The following HTRA1 variants were observed in gnomAD, a reference collection of about 807,000 sequenced individuals.
HTRA1 encodes the protein HtrA serine peptidase 1, also known as serine protease HTRA1.
In HTRA1, 26 loss-of-function variants were observed where a neutral mutation model predicts 49.7. That is an observed-to-expected ratio of 0.52 (90% CI 0.38 to 0.73). The LOEUF (loss-of-function observed/expected upper bound fraction) is 0.73. Ranked by LOEUF, HTRA1 falls within the 30% of genes least tolerant of loss-of-function variation. HTRA1 has a pLI of 0.00. For missense variants in HTRA1, 561 were observed against 667.2 expected, an observed-to-expected ratio of 0.84 and a Z score of 1.75; for synonymous variants, 291 against 286.9, an observed-to-expected ratio of 1.01 and a Z score of -0.14.
In HTRA1 at chr10:122,462,004, G is replaced by A; in HGVS notation, c.352G>A (p.Val118Met). The change falls in exon 1 of 9, where the codon GTG becomes ATG. Residue 118 changes from valine (V) to methionine (M), a missense_variant. Val to Met is a conservative substitution (Grantham distance 21). Transcript: ENST00000368984. Reference sequence around the variant, plus strand: ...CTGTGTGTGCGCCAGCAGCGAGCCGGTGTGCGGCAGCGACGCCAACACCTA... The same window carrying A: ...CTGTGTGTGCGCCAGCAGCGAGCCGATGTGCGGCAGCGACGCCAACACCTA... ...GLCVCASSEP[V>M]CGSDANTYAN... 1 of 1,528,558 alleles carries A rather than the reference G, an allele frequency of 6.5e-7. No homozygotes were observed. Among genetic ancestry groups the A allele is most frequent in the East Asian group, 2.5e-5 (1 of 40,424 alleles). The allele number at this position is 1,528,558 out of a possible 1,614,324, so 94.7% of individuals were successfully genotyped here. A position where few individuals can be genotyped will look rare whatever the true frequency, so the allele number is the denominator to read the frequency against.
At chr10:122,492,678 A>G (rs1025676815) in intron 3 of HTRA1, among the ~76,000 whole-genome samples, 1 of 152,196 alleles carries the variant, frequency 6.6e-6, no homozygotes, top group Admixed American at 6.5e-5. Flanking sequence ...AAGAATTGCC[A>G]CGGACATCTG....
rs1271725941 is a variant in HTRA1, at chr10:122,514,247, C to T, written c.1331C>T (p.Ser444Phe). 2 of 1,614,020 alleles carry T rather than the reference C, an allele frequency of 1.2e-6. No individual in the cohort carries two copies. Residue 444 changes from serine to phenylalanine, a missense_variant, in exon 9 of 9, where the codon TCC becomes TTC. By Grantham distance (155) the Ser-to-Phe change is radical (BLOSUM62 -2). Coordinates refer to ENST00000368984, the MANE Select transcript of HTRA1 (RefSeq NM_002775.5). ...AGCATCAATGGACAGTCCGTGGTCT[C>T]CGCCAATGATGTCAGCGACGTCATT... ...IISINGQSVV[S>F]ANDVSDVIKR...
At chr10:122,488,365 C>T (rs11200653) in intron 1 of HTRA1, among the ~76,000 whole-genome samples, 4 of 151,960 alleles carry the variant, frequency 2.6e-5, no homozygotes, top group African/African-American at 9.7e-5. Flanking sequence ...GTCAGGAGTT[C>T]GAGACCAGCC....
intron 3 of HTRA1, among the ~76,000 whole-genome samples, chr10:122,495,026 C>T (rs1166906361): frequency 6.6e-6 from 1 of 151,966 alleles, no homozygotes; most frequent in Non-Finnish European, 1.5e-5. Flanking sequence ...TGCCATGACT[C>T]ACGCCGGTTC....
At chr10:122,489,708 C>G in intron 3 of HTRA1, 82 bp downstream of exon 3, 1 of 1,319,958 alleles carries the variant, frequency 7.6e-7, no homozygotes, top group Non-Finnish European at 1.1e-6. Context: ...TCTCTGATTG[C>G]AGCTGATTCT....
intron 1 of HTRA1, among the ~76,000 whole-genome samples, chr10:122,470,862 G>A (rs756961183): frequency 1.3e-5 from 2 of 152,122 alleles, no homozygotes; most frequent in Non-Finnish European, 2.9e-5. Flanking sequence ...GGGTGTCAAA[G>A]CATGGGTCTC....
In HTRA1 at chr10:122,514,698, G is replaced by A. The variant is rs765625089; in HGVS notation, c.*339G>A. ...CCAACTAATGCAGTCGATACAATGC[G>A]TAGATAGAAGAAGCCCCACGGGAGC... On this transcript the variant is annotated 3_prime_UTR_variant, in exon 9 of 9. Transcript: ENST00000368984. The A allele has an allele frequency of 2.3e-5, 8 of 346,784 alleles. No individual in the cohort carries two copies. The highest frequency in any genetic ancestry group is 8.1e-5 in the Admixed American group (2 of 24,610). 21.5% of individuals were successfully genotyped at this position (346,784 alleles called of 1,614,324 possible).
chr10:122,490,972 T>A lies in HTRA1; in HGVS notation c.777+1346T>A, dbSNP rs560652706. ...TGGCCAGGCATGGCCGAAGAGGCTC[T>A]GGGTAGATATAGGCTCTGTGCCCGG... On this transcript the variant is annotated intron_variant, in intron 3 of 8. Transcript: ENST00000368984. The surrounding 1 kb of genome is among the most constrained non-coding windows in gnomAD (Gnocchi z 4.2). Among the ~76,000 whole-genome samples, 20 of 152,312 alleles carry A rather than the reference T, an allele frequency of 1.3e-4. No homozygotes were observed. Among genetic ancestry groups the A allele is most frequent in the Middle Eastern group, 6.8e-3 (2 of 294 alleles).
rs1422866036 is a variant in HTRA1 at position 122,489,552 on chromosome 10, G to A, written c.703G>A (p.Gly235Ser). 8 of 1,614,030 alleles carry A rather than the reference G, an allele frequency of 5.0e-6. No homozygotes were observed. The highest frequency in any genetic ancestry group is 3.3e-5 in the Admixed American group (2 of 59,992). ...CCGGGTCAAAGTTGAGCTGAAGAAC[G>A]GTGCCACTTACGAAGCCAAAATCAA... ...KHRVKVELKNGATYEAKIKDV... is the reference protein window; with the variant it reads ...KHRVKVELKNSATYEAKIKDV... Residue 235 changes from glycine (G) to serine (S), a missense_variant, in exon 3 of 9, where the codon GGT becomes AGT. Transcript: ENST00000368984.
chr10:122,470,465 G>A (rs1329174578), intron 1 of HTRA1, among the ~76,000 whole-genome samples: 1 of 151,952 alleles, frequency 6.6e-6, no homozygotes, highest in Non-Finnish European at 1.5e-5. Flanking sequence ...AAGGAGTTTT[G>A]TCAATTCCTA....
At chr10:122,473,741 TCTC>T (rs995371469) in intron 1 of HTRA1, among the ~76,000 whole-genome samples, 3 of 152,152 alleles carry the variant, frequency 2.0e-5, no homozygotes, top group Non-Finnish European at 4.4e-5. Context: ...ACCCCATACT[TCTC>T]CTCTGCCCAG....
chr10:122,474,920 A>G (rs2097487755), intron 1 of HTRA1, among the ~76,000 whole-genome samples: 1 of 152,124 alleles, frequency 6.6e-6, no homozygotes, highest in Non-Finnish European at 1.5e-5. Context: ...CTGAAAAGTG[A>G]TTTTCAATGA....
At chr10:122,502,232 A>G (rs2133446193) in intron 3 of HTRA1, among the ~76,000 whole-genome samples, 1 of 152,204 alleles carries the variant, frequency 6.6e-6, no homozygotes, top group African/African-American at 2.4e-5. Context: ...AGCTCATAGG[A>G]GACACTCACT....
intron 1 of HTRA1, among the ~76,000 whole-genome samples, chr10:122,467,866 G>A (rs2097484397): frequency 6.6e-6 from 1 of 152,142 alleles, no homozygotes; most frequent in African/African-American, 2.4e-5. Flanking sequence ...TCCTGGAAGT[G>A]GCATGGAAGT....
At chr10:122,470,087 C>G (rs539347897) in intron 1 of HTRA1, among the ~76,000 whole-genome samples, 4 of 152,210 alleles carry the variant, frequency 2.6e-5, no homozygotes, top group African/African-American at 9.6e-5. Context: ...TCACTTAGGT[C>G]TAGTGGATTG....
intron 3 of HTRA1, among the ~76,000 whole-genome samples, chr10:122,504,338 T>TG (rs1464746150): frequency 6.6e-6 from 1 of 152,214 alleles, no homozygotes; most frequent in African/African-American, 2.4e-5. Context: ...AGCCTGGGCC[T>TG]GCCTCCCTTT....
Position 122,487,041 on chromosome 10 carries a change from A to G in HTRA1, c.473-1861A>G, listed in dbSNP as rs1278808000. Among the ~76,000 whole-genome samples the G allele has an allele frequency of 6.6e-6, 1 of 152,184 alleles. No individual in the cohort carries two copies. The highest frequency in any genetic ancestry group is 1.5e-5 in the Non-Finnish European group (1 of 68,032). ...ACAGGCCTGTTGGTAAATGAGACAC[A>G]AAATACCTACAAAATACAAAATGTG... is the stretch of plus-strand genomic sequence containing the variant. On this transcript the variant is annotated intron_variant, in intron 1 of 8. Transcript: ENST00000368984. This position sits in a 1 kb window ranked among gnomAD's most constrained non-coding sequence, Gnocchi z 4.8.
chr10:122,504,440 G>A (rs1172653540), intron 3 of HTRA1, among the ~76,000 whole-genome samples: 6 of 152,184 alleles, frequency 3.9e-5, no homozygotes, highest in Non-Finnish European at 5.9e-5. Flanking sequence ...CTTTCTGATG[G>A]GTTTTCAATG....
intron 1 of HTRA1, among the ~76,000 whole-genome samples, chr10:122,466,192 G>T (rs1470600865): frequency 1.3e-5 from 2 of 152,060 alleles, no homozygotes; most frequent in African/African-American, 2.4e-5. Context: ...TTGAGACAGT[G>T]TCTCGTTCTG....
Sources: allele counts gnomAD v4.1 joint callset (sites outside exome capture counted in the v4.1 genomes callset), GRCh38; gene constraint gnomAD v4.1.1; non-coding constraint Gnocchi (gnomAD v3.1); transcripts MANE v1.5; gene names NCBI Gene and HGNC (gene_info 2026-07-23, HGNC 2026-07-21).